NINL: variants seen among roughly 807,000 people sequenced by gnomAD.
NINL encodes the protein ninein like.
A neutral mutation model predicts 160.3 loss-of-function variants in NINL; 153 were observed. That is an observed-to-expected ratio of 0.95 (90% CI 0.84 to 1.09). NINL has a LOEUF of 1.09. Ranked by LOEUF, NINL falls within the 50% of genes least tolerant of loss-of-function variation. The probability of loss-of-function intolerance (pLI) is 0.00; values close to 1 mark genes in which losing one functional copy is unlikely to be tolerated. For synonymous variants in NINL, 800 were observed against 734.8 expected (o/e 1.09, Z -1.43); for missense variants, 1,829 against 1,764.0 (o/e 1.04, Z -0.66).
intron 5 of NINL, among the ~76,000 whole-genome samples, chr20:25,505,632 C>T (rs60054780): frequency 0.022 from 3,330 of 152,248 alleles, 111 homozygotes; most frequent in African/African-American, 0.075. Flanking sequence ...AAACCAGCAA[C>T]AGTTAAGTCC....
chr20:25,526,885 C>G (rs2064370963), intron 1 of NINL, among the ~76,000 whole-genome samples: 1 of 152,118 alleles, frequency 6.6e-6, no homozygotes, highest in Admixed American at 6.5e-5. Flanking sequence ...ATCCATTAGG[C>G]CAGGTATGGG....
At chr20:25,532,603 GCTCCT>G (rs750609536) in intron 1 of NINL, among the ~76,000 whole-genome samples, 2 of 152,308 alleles carry the variant, frequency 1.3e-5, no homozygotes, top group Middle Eastern at 3.4e-3. Flanking sequence ...ATTCAGAGCC[GCTCCT>G]CTCCTCTCCT....
At chr20:25,568,966 A>AG (rs1419236376) in intron 1 of NINL, among the ~76,000 whole-genome samples, 8 of 151,310 alleles carry the variant, frequency 5.3e-5, no homozygotes, top group Non-Finnish European at 1.0e-4. Flanking sequence ...GTGGTGGCTC[A>AG]CACCTGTAAT....
At chr20:25,571,174 G>A (rs974675533) in intron 1 of NINL, among the ~76,000 whole-genome samples, 6 of 152,132 alleles carry the variant, frequency 3.9e-5, no homozygotes, top group South Asian at 2.1e-4. Flanking sequence ...TAAGAACCAC[G>A]TCAAAATATC....
At chr20:25,508,032 C>A (rs146845186) in intron 5 of NINL, among the ~76,000 whole-genome samples, 251 of 152,258 alleles carry the variant, frequency 1.6e-3, no homozygotes, top group African/African-American at 5.6e-3. Flanking sequence ...CAGCCTCCTG[C>A]GAGCCCTTCC....
At chr20:25,523,789 C>G (rs552721935) in intron 2 of NINL, among the ~76,000 whole-genome samples, 1 of 145,196 alleles carries the variant, frequency 6.9e-6, no homozygotes, top group African/African-American at 2.9e-5. Context: ...ATTACAGGTG[C>G]GTGCCACCAC....
In NINL at chr20:25,479,126, C is replaced by T. The variant is rs373855398; in HGVS notation, c.1998G>A (p.Arg666=). Residue 666 remains arginine, a synonymous_variant, in exon 16 of 24, where the codon AGG becomes AGA. Transcript: ENST00000278886. ...KERKDMEQAR[R]REVSVLEGQK... is the part of the protein sequence containing the mutation. ...GACCCTCCAGCACGCTGACCTCGCG[C>T]CTGCGAGCCTGCTCCATGTCCTTCC... 2.5e-6 allele frequency: 4 copies of T among 1,613,816 alleles called. No individual in the cohort carries two copies. Among genetic ancestry groups the T allele is most frequent in the Non-Finnish European group, 3.4e-6 (4 of 1,180,030 alleles).
At chr20:25,499,945 CAAAAAAAAAAAA>C (rs11476280) in intron 8 of NINL, among the ~76,000 whole-genome samples, 4 of 61,438 alleles carry the variant, frequency 6.5e-5, no homozygotes, top group African/African-American at 1.2e-4. Context: ...ACCAATTTCG[CAAAAAAAAAAAA>C]AAAAAAAAAA....
At chr20:25,466,703 G>A (rs531981786) in intron 19 of NINL, among the ~76,000 whole-genome samples, 1 of 152,252 alleles carries the variant, frequency 6.6e-6, no homozygotes, top group Admixed American at 6.5e-5. Context: ...TGGAGGCTGA[G>A]GCAGAAGAAT....
chr20:25,489,706 T>G (rs1202393233), intron 12 of NINL, among the ~76,000 whole-genome samples, 169 bp downstream of exon 12: 1 of 152,088 alleles, frequency 6.6e-6, no homozygotes, highest in Non-Finnish European at 1.5e-5. Context: ...CACATTGTCA[T>G]GCAGAGGAAG....
At chr20:25,496,877 C>A in intron 9 of NINL, 74 bp from the exon 10 acceptor site, 1 of 1,569,804 alleles carries the variant, frequency 6.4e-7, no homozygotes. Context: ...TGGCTCTGGG[C>A]CCCATATCTG....
At chr20:25,540,585 G>A (rs182875365) in intron 1 of NINL, among the ~76,000 whole-genome samples, 368 of 152,308 alleles carry the variant, frequency 2.4e-3, no homozygotes, top group African/African-American at 8.4e-3. Flanking sequence ...CAGAGTGTCC[G>A]TAACGGGAAG....
intron 1 of NINL, among the ~76,000 whole-genome samples, chr20:25,553,724 C>G (rs2064831253): frequency 6.6e-6 from 1 of 152,184 alleles, no homozygotes; most frequent in South Asian, 2.1e-4. Flanking sequence ...CCCAGGGAAG[C>G]TAAAGAGGAA....
At chr20:25,538,363 T>C (rs960718357) in intron 1 of NINL, among the ~76,000 whole-genome samples, 2 of 151,838 alleles carry the variant, frequency 1.3e-5, no homozygotes, top group Middle Eastern at 3.4e-3. Context: ...AAGGGAGGAG[T>C]CTGCCAGGTC....
intron 22 of NINL, among the ~76,000 whole-genome samples, chr20:25,457,648 C>T (rs1296260306): frequency 2.6e-5 from 4 of 152,206 alleles, no homozygotes; most frequent in African/African-American, 9.7e-5. Context: ...GCGCCAATTC[C>T]TTTCTCATGA....
chr20:25,478,819 G>A, intron 16 of NINL, 104 bp downstream of exon 16: 2 of 1,368,082 alleles, frequency 1.5e-6, no homozygotes, highest in Non-Finnish European at 9.8e-7. Flanking sequence ...AAACCACCCA[G>A]TCGGGAGGCA....
rs1257862943 is a variant in NINL, at chr20:25,569,794, C to T, written c.-12+15661G>A. On this transcript the variant is annotated intron_variant, in intron 1 of 23. Coordinates refer to ENST00000278886, the MANE Select transcript of NINL (RefSeq NM_025176.6). ...TGAATGCAGCAGGGCCACAACTGAG[C>T]CCCACTACCCTTGTCACTATGGAAA... Among the ~76,000 whole-genome samples, 5 of 152,290 alleles carry T rather than the reference C, an allele frequency of 3.3e-5. No homozygotes were observed. The East Asian group carries it at 9.7e-4, about 29-fold the overall frequency.
intron 1 of NINL, among the ~76,000 whole-genome samples, chr20:25,550,980 G>T (rs919543377): frequency 1.3e-5 from 2 of 151,874 alleles, no homozygotes; most frequent in African/African-American, 2.4e-5. Flanking sequence ...CTGTCTCAGT[G>T]GGGGGAAACC....
intron 17 of NINL, among the ~76,000 whole-genome samples, chr20:25,473,860 T>A (rs1471060722): frequency 1.3e-5 from 2 of 151,844 alleles, no homozygotes; most frequent in African/African-American, 2.4e-5. Flanking sequence ...AGAGTGAGAC[T>A]CCGTCTCAAA....
Sources: allele counts gnomAD v4.1 joint callset (sites outside exome capture counted in the v4.1 genomes callset), GRCh38; gene constraint gnomAD v4.1.1; transcripts MANE v1.5; gene names NCBI Gene and HGNC (gene_info 2026-07-23, HGNC 2026-07-21).